Variants in ATP2B1 observed in about 807,000 individuals in gnomAD.
ATP2B1 encodes ATPase plasma membrane Ca2+ transporting 1.
Under a neutral mutation model 124.2 loss-of-function variants are expected in ATP2B1, and 14 were observed. That is an observed-to-expected ratio of 0.11 (90% CI 0.07 to 0.18). ATP2B1 has a LOEUF of 0.18. Ranked by LOEUF, ATP2B1 falls within the 10% of genes least tolerant of loss-of-function variation. ATP2B1 has a pLI of 1.00. For synonymous variants in ATP2B1, 449 were observed against 492.4 expected, an observed-to-expected ratio of 0.91 and a Z score of 1.17; for missense variants, 763 against 1,466.1, an observed-to-expected ratio of 0.52 and a Z score of 7.83.
rs547326598 is a variant in ATP2B1 at position 89,673,528 on chromosome 12, T to C, written c.-221-17421A>G. 2.0e-5 allele frequency among the ~76,000 whole-genome samples: 3 copies of C among 152,328 alleles called. No homozygotes were observed. The South Asian group carries it at 6.2e-4, about 32-fold the overall frequency. On this transcript the variant is annotated intron_variant, in intron 1 of 20. Transcript: ENST00000428670. ...ACAAAATTTCAGATCTGGTCGTATA[T>C]AACAGTTACAAATCCTGTCCATAAA...
intron 3 of ATP2B1, among the ~76,000 whole-genome samples, chr12:89,641,601 G>A (rs960570972): frequency 1.1e-4 from 17 of 151,980 alleles, no homozygotes; most frequent in Admixed American, 2.0e-4. Context: ...GCATCATGTC[G>A]GCACTCAAAA....
chr12:89,623,827 AT>A (rs1880392218), intron 9 of ATP2B1, among the ~76,000 whole-genome samples: 1 of 152,146 alleles, frequency 6.6e-6, no homozygotes, highest in African/African-American at 2.4e-5. Context: ...TTTTTTTTTA[AT>A]TTTTAGAAAC....
intron 1 of ATP2B1, among the ~76,000 whole-genome samples, chr12:89,668,915 G>A (rs924320754): frequency 6.6e-6 from 1 of 152,124 alleles, no homozygotes; most frequent in Non-Finnish European, 1.5e-5. Context: ...ATGAAAGCTA[G>A]TCAATTCCCT....
At chr12:89,602,599 TA>T (rs1184273458) in intron 18 of ATP2B1, among the ~76,000 whole-genome samples, 1 of 152,172 alleles carries the variant, frequency 6.6e-6, no homozygotes, top group Non-Finnish European at 1.5e-5. Context: ...AGTAGAGATA[TA>T]AAACTGAAGT....
chr12:89,620,022 A>C lies in ATP2B1; in HGVS notation c.1806T>G (p.Gly602=). 6.2e-7 allele frequency: 1 copy of C among 1,614,030 alleles called. No individual in the cohort carries two copies. The highest frequency in any genetic ancestry group is 8.5e-7 in the Non-Finnish European group (1 of 1,179,942). The stretch of plus-strand genomic sequence containing the variant: ...ACTTTTTCAGAATTATCTCAGATGC[A>C]CCCTTGCTGAATATTCGATAACTTC... ...SDGSYRIFSK[G]ASEIILKKCF... is the part of the protein sequence containing the mutation. Residue 602 remains glycine (G), a synonymous_variant, in exon 11 of 21, where the codon GGT becomes GGG. Transcript: ENST00000428670.
intron 3 of ATP2B1, among the ~76,000 whole-genome samples, chr12:89,638,021 C>A (rs1026955561): frequency 6.7e-6 from 1 of 148,624 alleles, no homozygotes; most frequent in African/African-American, 2.5e-5. Context: ...ACAGATAAGA[C>A]CAAAATAATC....
At chr12:89,630,223 A>G (rs2136155581) in intron 6 of ATP2B1, among the ~76,000 whole-genome samples, 1 of 152,290 alleles carries the variant, frequency 6.6e-6, no homozygotes, top group South Asian at 2.1e-4. Context: ...CCGCCGTGAG[A>G]GTTCAATTCA....
chr12:89,611,742 G>T, intron 12 of ATP2B1: 1 of 167,074 alleles, frequency 6.0e-6, no homozygotes. Context: ...GTAAAATGTT[G>T]GTATTCTTTT....
At chr12:89,591,438 T>TA (rs938945921) in intron 20 of ATP2B1, 143 bp from the exon 21 acceptor site, 47 of 664,120 alleles carry the variant, frequency 7.1e-5, no homozygotes, top group Admixed American at 7.0e-4. Context: ...CAATACACTG[T>TA]AAAAAAATGA....
chr12:89,636,019 G>A (rs1262033891), intron 3 of ATP2B1, among the ~76,000 whole-genome samples: 1 of 152,012 alleles, frequency 6.6e-6, no homozygotes, highest in Non-Finnish European at 1.5e-5. Context: ...GTGCCATGAA[G>A]AAAAACATAG....
At position 89,639,668 on chromosome 12, in the gene ATP2B1, G is replaced by T. The variant is rs368432982; in HGVS notation, c.406+2490C>A. ...TTATATGTTTCATTAAGAACTTCTA[G>T]TGAACTCTGACTCTTTTAAAAGGGC... On this transcript the variant is annotated intron_variant, in intron 3 of 20. Transcript: ENST00000428670. 1.4e-3 allele frequency among the ~76,000 whole-genome samples: 219 copies of T among 151,824 alleles called. 3 individuals carry two copies. The South Asian group carries it at 0.016, about 11-fold the overall frequency.
chr12:89,668,548 G>A (rs1887569799), intron 1 of ATP2B1, among the ~76,000 whole-genome samples: 1 of 152,146 alleles, frequency 6.6e-6, no homozygotes, highest in Admixed American at 6.6e-5. Flanking sequence ...CCTAAAGAGA[G>A]ATTTGCACCA....
intron 1 of ATP2B1, among the ~76,000 whole-genome samples, chr12:89,665,216 A>C (rs1185099602): frequency 6.6e-6 from 1 of 152,110 alleles, no homozygotes; most frequent in Non-Finnish European, 1.5e-5. Flanking sequence ...GTGTGTTTTG[A>C]TTTTTAGTAC....
At chr12:89,692,514 G>A (rs928224937) in intron 1 of ATP2B1, among the ~76,000 whole-genome samples, 3 of 152,066 alleles carry the variant, frequency 2.0e-5, no homozygotes, top group Non-Finnish European at 4.4e-5. Flanking sequence ...ACCCTGAACT[G>A]GAATCAGCAG....
At chr12:89,627,837 AT>A in intron 6 of ATP2B1, 121 bp from the exon 7 acceptor site, 1 of 1,070,668 alleles carries the variant, frequency 9.3e-7, no homozygotes, top group Non-Finnish European at 1.4e-6. Flanking sequence ...GTGTCTACAG[AT>A]TAGAAAACAT....
chr12:89,634,058 T>C (rs149339655), intron 5 of ATP2B1, among the ~76,000 whole-genome samples: 8 of 152,286 alleles, frequency 5.3e-5, no homozygotes, highest in African/African-American at 1.9e-4. Context: ...CCCTTCCATT[T>C]CATATTTACT....
intron 15 of ATP2B1, among the ~76,000 whole-genome samples, chr12:89,607,748 T>C (rs1350394069): frequency 6.6e-6 from 1 of 152,178 alleles, no homozygotes; most frequent in African/African-American, 2.4e-5. Context: ...GCTATGTAGA[T>C]AATTGTTACA....
intron 12 of ATP2B1, among the ~76,000 whole-genome samples, chr12:89,613,853 A>G (rs2136026145): frequency 6.6e-6 from 1 of 152,370 alleles, no homozygotes; most frequent in Admixed American, 6.5e-5. Flanking sequence ...AGCAAGGCCA[A>G]GTACTTATAC....
At chr12:89,698,583 A>G (rs1397291886) in intron 1 of ATP2B1, among the ~76,000 whole-genome samples, 1 of 152,180 alleles carries the variant, frequency 6.6e-6, no homozygotes, top group Non-Finnish European at 1.5e-5. Context: ...ATGCCTCAGA[A>G]CTCAAGTTTT....
Sources: allele counts gnomAD v4.1 joint callset (sites outside exome capture counted in the v4.1 genomes callset), GRCh38; gene constraint gnomAD v4.1.1; transcripts MANE v1.5; gene names NCBI Gene and HGNC (gene_info 2026-07-23, HGNC 2026-07-21).